Variants in SMAD1 observed in about 807,000 individuals in gnomAD.
SMAD1 encodes the protein SMAD family member 1.
SMAD1 carries 6 observed loss-of-function variants against 41.6 expected under a neutral mutation model. That is an observed-to-expected ratio of 0.14 (90% CI 0.08 to 0.28). SMAD1 has a LOEUF of 0.28. Ranked by LOEUF, SMAD1 falls within the 10% of genes least tolerant of loss-of-function variation. The pLI is 1.00. For missense variants in SMAD1, 379 were observed against 582.6 expected, an observed-to-expected ratio of 0.65 and a Z score of 3.60; for synonymous variants, 206 against 203.2, an observed-to-expected ratio of 1.01 and a Z score of -0.12.
chr4:145,490,289 G>C (rs377032358), intron 1 of SMAD1, among the ~76,000 whole-genome samples: 2 of 152,160 alleles, frequency 1.3e-5, no homozygotes, highest in East Asian at 1.9e-4. Context: ...AATGGGGTCC[G>C]AGTGAGAAGA....
intron 2 of SMAD1, among the ~76,000 whole-genome samples, chr4:145,519,955 A>C (rs1730651818): frequency 6.6e-6 from 1 of 152,200 alleles, no homozygotes; most frequent in Non-Finnish European, 1.5e-5. Context: ...CAGGTGTCAC[A>C]AGTGACAATT....
Position 145,514,405 on chromosome 4 carries a change from G to C in SMAD1, c.-176-33G>C, listed in dbSNP as rs1379437904. 6 of 511,552 alleles carry C rather than the reference G, an allele frequency of 1.2e-5. No homozygotes were observed. The highest frequency in any genetic ancestry group is 1.7e-5 in the Non-Finnish European group (5 of 293,518). 31.7% of individuals were successfully genotyped at this position (511,552 alleles called of 1,614,324 possible). A position where few individuals can be genotyped will look rare whatever the true frequency, so the allele number is the denominator to read the frequency against. ...TTAATAAATGTGGTTGTATGGTAAA[G>C]ATGATTCTAACCATTCTTTTTTTGT... is the stretch of plus-strand genomic sequence containing the variant. On this transcript the variant is annotated intron_variant, in intron 1 of 6. Coordinates refer to ENST00000302085, the MANE Select transcript of SMAD1 (RefSeq NM_005900.3). The surrounding 1 kb of genome is among the most constrained non-coding windows in gnomAD (Gnocchi z 4.7).
At chr4:145,522,083 G>A (rs891050438) in intron 2 of SMAD1, among the ~76,000 whole-genome samples, 3 of 151,120 alleles carry the variant, frequency 2.0e-5, no homozygotes, top group African/African-American at 4.9e-5. Flanking sequence ...CAAGGCGGGC[G>A]GATCACGAGG....
At chr4:145,491,813 G>A (rs572455596) in intron 1 of SMAD1, among the ~76,000 whole-genome samples, 1 of 152,230 alleles carries the variant, frequency 6.6e-6, no homozygotes, top group East Asian at 1.9e-4. Context: ...GAAGACACCA[G>A]TGCTTCCTAG....
chr4:145,556,248 T>C (rs1732828555), intron 6 of SMAD1, among the ~76,000 whole-genome samples: 1 of 152,220 alleles, frequency 6.6e-6, no homozygotes, highest in Admixed American at 6.5e-5. Flanking sequence ...TCTGTCATTA[T>C]GCTGTATATT....
chr4:145,552,267 A>G (rs1038160855), intron 5 of SMAD1, among the ~76,000 whole-genome samples: 3 of 152,226 alleles, frequency 2.0e-5, no homozygotes, highest in Non-Finnish European at 4.4e-5. Flanking sequence ...CTGCTCTAGC[A>G]GCTATTTAAT....
intron 1 of SMAD1, among the ~76,000 whole-genome samples, chr4:145,500,617 C>T (rs1378491248): frequency 1.3e-5 from 2 of 152,114 alleles, no homozygotes; most frequent in Non-Finnish European, 2.9e-5. Flanking sequence ...CTTTGAAAAA[C>T]TTTTTGTGTC....
At chr4:145,553,561 C>G (rs1732671760) in intron 5 of SMAD1, among the ~76,000 whole-genome samples, 1 of 152,168 alleles carries the variant, frequency 6.6e-6, no homozygotes, top group South Asian at 2.1e-4. Context: ...TGCTTGCTCA[C>G]TCACCTCCTG....
intron 1 of SMAD1, among the ~76,000 whole-genome samples, chr4:145,501,250 C>A (rs570394894): frequency 6.6e-6 from 1 of 152,156 alleles, no homozygotes; most frequent in African/African-American, 2.4e-5. Flanking sequence ...TGGCCTCCAC[C>A]CAGTTTTACT....
intron 2 of SMAD1, among the ~76,000 whole-genome samples, chr4:145,522,497 G>T (rs1012308137): frequency 4.6e-5 from 7 of 152,060 alleles, no homozygotes; most frequent in South Asian, 2.1e-4. Context: ...GCTCTCAGAG[G>T]CTGAGGCAGG....
chr4:145,553,553 C>G (rs923806601), intron 5 of SMAD1, among the ~76,000 whole-genome samples: 2 of 152,136 alleles, frequency 1.3e-5, no homozygotes, highest in African/African-American at 4.8e-5. Context: ...GGCTGTAATG[C>G]TTGCTCACTC....
At chr4:145,506,886 A>G (rs1729816974) in intron 1 of SMAD1, among the ~76,000 whole-genome samples, 1 of 152,190 alleles carries the variant, frequency 6.6e-6, no homozygotes, top group African/African-American at 2.4e-5. Context: ...ATAGCAGTTA[A>G]GAGTATTTTA....
intron 5 of SMAD1, 118 bp downstream of exon 5, chr4:145,547,042 T>C (rs1732286134): frequency 2.6e-6 from 2 of 769,036 alleles, no homozygotes; most frequent in East Asian, 2.6e-5. Context: ...TAATGTTCAC[T>C]TGCTGCAGTT....
Position 145,485,278 on chromosome 4 carries a change from G to A in SMAD1, c.-177+3240G>A, listed in dbSNP as rs187604943. Among the ~76,000 whole-genome samples the A allele has an allele frequency of 4.4e-3, 663 of 152,270 alleles. 4 individuals carry two copies. The highest frequency in any genetic ancestry group is 0.015 in the African/African-American group (631 of 41,544). On this transcript the variant is annotated intron_variant, in intron 1 of 6. Coordinates refer to ENST00000302085, the MANE Select transcript of SMAD1 (RefSeq NM_005900.3). ...TCTTGTAGAGACAGGGTTTCGTCAT[G>A]TTGCCCAGGCTGGTCTTGAACTCCT...
chr4:145,554,091 CTTT>C (rs10715854), intron 6 of SMAD1, 51 bp downstream of exon 6: 18,399 of 1,114,972 alleles, frequency 0.017, no homozygotes, highest in South Asian at 0.023. Flanking sequence ...TTTTGCTGTG[CTTT>C]TTTTTTTTTT....
Position 145,558,782 on chromosome 4 carries a change from G to T in SMAD1, c.*848G>T, listed in dbSNP as rs1280625193. ...ATACTCTTCAAAAAGCAGTTCTGCAGCTGGTTAATTCATGTAACTGTGAGA... is the reference window on the plus strand; with the variant it reads ...ATACTCTTCAAAAAGCAGTTCTGCATCTGGTTAATTCATGTAACTGTGAGA... On this transcript the variant is annotated 3_prime_UTR_variant, in exon 7 of 7. Transcript: ENST00000302085. Among the ~76,000 whole-genome samples, 4 of 152,092 alleles carry T rather than the reference G, an allele frequency of 2.6e-5. No homozygotes were observed. Among genetic ancestry groups the T allele is most frequent in the Admixed American group, 6.5e-5 (1 of 15,278 alleles).
upstream of SMAD1, chr4:145,481,088 T>A (rs948707426): frequency 6.6e-6 from 1 of 152,122 alleles, no homozygotes; most frequent in African/African-American, 2.4e-5. Flanking sequence ...TCTATGCAGA[T>A]CAGGTAGGTA....
At position 145,507,818 on chromosome 4, in the gene SMAD1, G is replaced by A. The variant is rs762789514; in HGVS notation, c.-176-6620G>A. ...AAACTAAGGCAGGAAGTACAAAAAG[G>A]GGCAGAAAAAAAGTAGTTGTCTTGC... is the stretch of plus-strand genomic sequence containing the variant. On this transcript the variant is annotated intron_variant, in intron 1 of 6. Coordinates refer to ENST00000302085, the MANE Select transcript of SMAD1 (RefSeq NM_005900.3). Among the ~76,000 whole-genome samples, 9 of 151,976 alleles carry A rather than the reference G, an allele frequency of 5.9e-5. No homozygotes were observed. In the East Asian group the frequency reaches 1.7e-3, roughly 29 times the overall value.
intron 2 of SMAD1, among the ~76,000 whole-genome samples, chr4:145,535,842 A>G (rs1486912785): frequency 6.6e-6 from 1 of 152,136 alleles, no homozygotes; most frequent in Non-Finnish European, 1.5e-5. Context: ...CGCAAATAGC[A>G]ACAGATATAT....
Sources: allele counts gnomAD v4.1 joint callset (sites outside exome capture counted in the v4.1 genomes callset), GRCh38; gene constraint gnomAD v4.1.1; non-coding constraint Gnocchi (gnomAD v3.1); transcripts MANE v1.5; gene names NCBI Gene and HGNC (gene_info 2026-07-23, HGNC 2026-07-21).